JAKMIP3: variants seen among roughly 807,000 people sequenced by gnomAD.
The protein encoded by JAKMIP3 is Janus kinase and microtubule interacting protein 3, also known as janus kinase and microtubule-interacting protein 3.
Under a neutral mutation model 118.5 loss-of-function variants are expected in JAKMIP3, and 58 were observed. That is an observed-to-expected ratio of 0.49 (90% CI 0.40 to 0.61). The LOEUF (loss-of-function observed/expected upper bound fraction) is 0.61, where lower values mean the gene tolerates loss of function less well. JAKMIP3 is among the 20% of genes least tolerant of loss of function. The pLI, the probability that JAKMIP3 is intolerant of heterozygous loss-of-function variation, is 0.00. For missense variants in JAKMIP3, 950 were observed against 1,109.0 expected (o/e 0.86, Z 2.04); for synonymous variants, 486 against 451.2 (o/e 1.08, Z -0.98).
At chr10:132,111,315 G>T (rs1023206888) in intron 2 of JAKMIP3, among the ~76,000 whole-genome samples, 3 of 151,256 alleles carry the variant, frequency 2.0e-5, no homozygotes, top group African/African-American at 7.3e-5. Flanking sequence ...AGTAGTGCTG[G>T]GGTTACTGCT....
At chr10:132,120,638 C>A (rs2048391978) in intron 3 of JAKMIP3, among the ~76,000 whole-genome samples, 1 of 152,214 alleles carries the variant, frequency 6.6e-6, no homozygotes. Flanking sequence ...GTGAGAGGTG[C>A]CCTGAGGGTG....
At chr10:132,103,194 C>T (rs924937749) in intron 1 of JAKMIP3, among the ~76,000 whole-genome samples, 37 of 151,464 alleles carry the variant, frequency 2.4e-4, no homozygotes, top group Non-Finnish European at 5.9e-5. Flanking sequence ...TTCCCTCTGT[C>T]GGGGAAAGCT....
intron 1 of JAKMIP3, among the ~76,000 whole-genome samples, chr10:132,094,843 G>A (rs1469105816): frequency 6.6e-6 from 1 of 152,040 alleles, no homozygotes; most frequent in Non-Finnish European, 1.5e-5. Flanking sequence ...GATGGGGAAG[G>A]ACCATCAGGT....
At chr10:132,067,434 T>C (rs1278239530) in intron 1 of JAKMIP3, among the ~76,000 whole-genome samples, 1 of 152,130 alleles carries the variant, frequency 6.6e-6, no homozygotes, top group Non-Finnish European at 1.5e-5. Flanking sequence ...CTTACTACTT[T>C]AGGTCCTAAC....
intron 1 of JAKMIP3, among the ~76,000 whole-genome samples, chr10:132,055,865 C>T (rs1395514739): frequency 6.6e-6 from 1 of 152,188 alleles, no homozygotes; most frequent in Non-Finnish European, 1.5e-5. Flanking sequence ...GGTTCCTGGG[C>T]TTCTGCCCCC....
At chr10:132,045,029 C>A (rs191889774) in intron 1 of JAKMIP3, among the ~76,000 whole-genome samples, 1 of 152,116 alleles carries the variant, frequency 6.6e-6, no homozygotes, top group Admixed American at 6.6e-5. Flanking sequence ...TTCAGTCTTG[C>A]GAATCATGCT....
chr10:132,153,524 C>T (rs1490488112), intron 17 of JAKMIP3, among the ~76,000 whole-genome samples: 1 of 152,128 alleles, frequency 6.6e-6, no homozygotes, highest in African/African-American at 2.4e-5. Context: ...AAGCTAGTGT[C>T]CCTCCTCTCC....
chr10:132,107,973 G>C (rs947915354), intron 2 of JAKMIP3, among the ~76,000 whole-genome samples: 1 of 152,202 alleles, frequency 6.6e-6, no homozygotes, highest in Admixed American at 6.5e-5. Flanking sequence ...GGGAGATCCA[G>C]CTGGCTCCCA....
intron 12 of JAKMIP3, 144 bp from the exon 13 acceptor site, chr10:132,145,374 C>T (rs1345428726): frequency 5.9e-5 from 55 of 936,164 alleles, no homozygotes; most frequent in Middle Eastern, 6.7e-4. Flanking sequence ...CCACCACGCC[C>T]GGCTAATTTT....
intron 10 of JAKMIP3, among the ~76,000 whole-genome samples, chr10:132,140,871 C>T (rs762370177): frequency 1.1e-4 from 16 of 152,226 alleles, no homozygotes; most frequent in Non-Finnish European, 2.2e-4. Context: ...ACTGAGCCTA[C>T]GCCCCTTCTG....
At chr10:132,110,776 C>T (rs938818975) in intron 2 of JAKMIP3, among the ~76,000 whole-genome samples, 5 of 152,198 alleles carry the variant, frequency 3.3e-5, no homozygotes, top group Non-Finnish European at 5.9e-5. Context: ...GAGATGGGAC[C>T]GTTCCCAGTG....
intron 3 of JAKMIP3, among the ~76,000 whole-genome samples, chr10:132,125,480 A>G (rs2814189): frequency 0.84 from 127,213 of 152,324 alleles, 53,753 homozygotes; most frequent in East Asian, 0.99. Flanking sequence ...ACTCTAAAGC[A>G]CATCCTGACA....
At chr10:132,166,095 G>C (rs1236890309) in intron 21 of JAKMIP3, among the ~76,000 whole-genome samples, 1 of 152,214 alleles carries the variant, frequency 6.6e-6, no homozygotes, top group Non-Finnish European at 1.5e-5. Flanking sequence ...AGGCCTAGAT[G>C]GGAGGATCGC....
At chr10:132,126,818 A>T (rs2049641103) in intron 3 of JAKMIP3, among the ~76,000 whole-genome samples, 1 of 152,140 alleles carries the variant, frequency 6.6e-6, no homozygotes, top group Non-Finnish European at 1.5e-5. Flanking sequence ...TAAGCATTGT[A>T]TTTTTGGAAT....
Position 132,113,830 on chromosome 10 carries a change from A to G in JAKMIP3, c.136-3247A>G, listed in dbSNP as rs372286166. Among the ~76,000 whole-genome samples the G allele has an allele frequency of 4.0e-4, 61 of 152,352 alleles. 2 individuals are homozygous for G. Among genetic ancestry groups the G allele is most frequent in the African/African-American group, 1.3e-3 (55 of 41,590 alleles). On this transcript the variant is annotated intron_variant, in intron 2 of 23. Coordinates refer to ENST00000684848, the MANE Select transcript of JAKMIP3 (RefSeq NM_001323087.2). ...GAGATGGACCTGGCACCATTCACGTAAAAAAGGCTTTACCCGCTGCACTGC... is the reference window on the plus strand; with the variant it reads ...GAGATGGACCTGGCACCATTCACGTGAAAAAGGCTTTACCCGCTGCACTGC...
intron 9 of JAKMIP3, among the ~76,000 whole-genome samples, chr10:132,138,795 C>T (rs1564946297): frequency 6.6e-6 from 1 of 152,146 alleles, no homozygotes; most frequent in African/African-American, 2.4e-5. Flanking sequence ...GCTGAGGCTG[C>T]TCACACTCAC....
chr10:132,153,066 T>C, intron 17 of JAKMIP3, 43 bp downstream of exon 17: 1 of 1,479,958 alleles, frequency 6.8e-7, no homozygotes, highest in Non-Finnish European at 9.3e-7. Context: ...GCCGGGCTCC[T>C]GGGGTCTCCT....
rs74161718 is a variant in JAKMIP3, at chr10:132,101,090, G to A, written c.-137-3582G>A. On this transcript the variant is annotated intron_variant, in intron 1 of 23. Coordinates refer to ENST00000684848, the MANE Select transcript of JAKMIP3 (RefSeq NM_001323087.2). ...GCTCTCAGACCAGGGTGGCCAGTGC[G>A]GGACCCAGAGTGGACTTGAATCTGT... is the stretch of plus-strand genomic sequence containing the variant. Among the ~76,000 whole-genome samples the A allele has an allele frequency of 5.5e-3, 844 of 152,350 alleles. 11 individuals are homozygous for A. The highest frequency in any genetic ancestry group is 0.019 in the African/African-American group (803 of 41,578).
At chr10:132,173,012 T>TCTCCCTCTCTCTCTCC (rs2059688380) in intron 23 of JAKMIP3, among the ~76,000 whole-genome samples, 1 of 18,546 alleles carries the variant, frequency 5.4e-5, no homozygotes, top group African/African-American at 3.3e-4. Context: ...TCTCTCTCTC[T>TCTCCCTCTCTCTCTCC]CTCCCTCTCT....
Sources: allele counts gnomAD v4.1 joint callset (sites outside exome capture counted in the v4.1 genomes callset), GRCh38; gene constraint gnomAD v4.1.1; transcripts MANE v1.5; gene names NCBI Gene and HGNC (gene_info 2026-07-23, HGNC 2026-07-21).